ZFYVE9: variants seen among roughly 807,000 people sequenced by gnomAD.
ZFYVE9 encodes zinc finger FYVE domain-containing protein 9.
ZFYVE9 carries 43 observed loss-of-function variants against 126.7 expected under a neutral mutation model. The ratio of observed to expected loss-of-function variants is 0.34; its 90% CI spans 0.27 to 0.44. The LOEUF (loss-of-function observed/expected upper bound fraction) is 0.44, where lower values mean the gene tolerates loss of function less well. Among genes scored for constraint, ZFYVE9 ranks in the 20% least tolerant of loss-of-function variants. The probability of loss-of-function intolerance (pLI) is 1.00; values close to 1 mark genes in which losing one functional copy is unlikely to be tolerated. For missense variants in ZFYVE9, 1,476 were observed against 1,697.0 expected (o/e 0.87, Z 2.29); for synonymous variants, 521 against 597.4 (o/e 0.87, Z 1.87).
At chr1:52,313,159 A>G (rs1198900631) in intron 13 of ZFYVE9, among the ~76,000 whole-genome samples, 2 of 152,208 alleles carry the variant, frequency 1.3e-5, no homozygotes, top group Non-Finnish European at 2.9e-5. Context: ...TTGGACTTCT[A>G]GCCTCCAGAA....
chr1:52,281,653 A>C lies in ZFYVE9; in HGVS notation c.2870-8A>C, dbSNP rs142821894. 3.7e-6 allele frequency: 6 copies of C among 1,612,238 alleles called. No individual in the cohort carries two copies. In the East Asian group the frequency reaches 8.9e-5, roughly 24 times the overall value. The stretch of plus-strand genomic sequence containing the variant: ...GTCTTTATTTTTGTGTTTTTATTCC[A>C]TCTGTAGATGTGAACAGGAAGTGCT... On this transcript the variant is annotated splice_polypyrimidine_tract_variant and splice_region_variant and intron_variant, in intron 9 of 18. Transcript: ENST00000287727.
At chr1:52,172,752 T>A (rs1644585684) in intron 1 of ZFYVE9, among the ~76,000 whole-genome samples, 1 of 151,364 alleles carries the variant, frequency 6.6e-6, no homozygotes, top group Non-Finnish European at 1.5e-5. Flanking sequence ...TATTTTATTC[T>A]CTTTGAAGCA....
At chr1:52,199,032 C>T (rs919324992) in intron 1 of ZFYVE9, among the ~76,000 whole-genome samples, 4 of 151,290 alleles carry the variant, frequency 2.6e-5, no homozygotes, top group South Asian at 2.1e-4. Context: ...TTTGCTCTGC[C>T]GATTCATTCC....
At chr1:52,324,000 A>G (rs1342143638) in intron 13 of ZFYVE9, among the ~76,000 whole-genome samples, 2 of 151,730 alleles carry the variant, frequency 1.3e-5, no homozygotes, top group Non-Finnish European at 2.9e-5. Context: ...CGGAGATTGC[A>G]GTGAACTGAG....
chr1:52,258,673 C>T (rs1456976114), intron 4 of ZFYVE9, among the ~76,000 whole-genome samples: 1 of 152,250 alleles, frequency 6.6e-6, no homozygotes, highest in East Asian at 1.9e-4. Flanking sequence ...AGATTCTGCC[C>T]ATCTCCTCTG....
chr1:52,193,306 A>G (rs1298196578), intron 1 of ZFYVE9, among the ~76,000 whole-genome samples: 1 of 151,896 alleles, frequency 6.6e-6, no homozygotes, highest in Non-Finnish European at 1.5e-5. Context: ...AAACATTTAA[A>G]TACCTGTTGA....
chr1:52,221,447 C>T (rs751995671), intron 2 of ZFYVE9, among the ~76,000 whole-genome samples: 8 of 152,188 alleles, frequency 5.3e-5, no homozygotes, highest in Non-Finnish European at 1.2e-4. Context: ...AGTGTTAGGT[C>T]ATCCCTCTCT....
At chr1:52,181,691 C>T (rs1388634372) in intron 1 of ZFYVE9, among the ~76,000 whole-genome samples, 2 of 151,026 alleles carry the variant, frequency 1.3e-5, no homozygotes, top group Non-Finnish European at 3.0e-5. Flanking sequence ...CGTCTCTGCC[C>T]GGCCGCCCAT....
intron 13 of ZFYVE9, 152 bp from the exon 14 acceptor site, chr1:52,332,616 A>T (rs920792458): frequency 9.8e-6 from 9 of 922,472 alleles, no homozygotes; most frequent in Non-Finnish European, 1.4e-5. Context: ...TAATGGTGAC[A>T]TTTTTTTACT....
At chr1:52,324,286 A>G (rs1474647144) in intron 13 of ZFYVE9, among the ~76,000 whole-genome samples, 1 of 148,342 alleles carries the variant, frequency 6.7e-6, no homozygotes, top group Non-Finnish European at 1.5e-5. Context: ...AACAAAAACA[A>G]AAACAAAACA....
At chr1:52,235,507 G>A (rs374691755) in intron 3 of ZFYVE9, among the ~76,000 whole-genome samples, 7 of 152,002 alleles carry the variant, frequency 4.6e-5, no homozygotes, top group African/African-American at 1.7e-4. Flanking sequence ...AAGGAATCCT[G>A]TGTTACTAAA....
intron 1 of ZFYVE9, among the ~76,000 whole-genome samples, chr1:52,200,505 G>A (rs1299432037): frequency 6.6e-6 from 1 of 152,128 alleles, no homozygotes; most frequent in Non-Finnish European, 1.5e-5. Flanking sequence ...TTTAATTTTA[G>A]TGAAGGTGCA....
intron 1 of ZFYVE9, among the ~76,000 whole-genome samples, chr1:52,193,888 A>G (rs923913806): frequency 3.9e-5 from 6 of 152,030 alleles, no homozygotes; most frequent in East Asian, 1.9e-4. Flanking sequence ...AATAGGGGAA[A>G]ATGTAAATGC....
chr1:52,188,969 G>A (rs186724725), intron 1 of ZFYVE9, among the ~76,000 whole-genome samples: 125 of 152,012 alleles, frequency 8.2e-4, no homozygotes, highest in African/African-American at 2.9e-3. Flanking sequence ...ATGGAGTCTT[G>A]CTTTGTTGCC....
intron 13 of ZFYVE9, 50 bp downstream of exon 13, chr1:52,303,975 A>G: frequency 1.5e-6 from 2 of 1,318,086 alleles, no homozygotes; most frequent in Non-Finnish European, 2.1e-6. Context: ...ACATGAGTGA[A>G]GGTGAAAAAT....
At chr1:52,311,998 C>T (rs916398874) in intron 13 of ZFYVE9, among the ~76,000 whole-genome samples, 2 of 151,982 alleles carry the variant, frequency 1.3e-5, no homozygotes, top group African/African-American at 2.4e-5. Flanking sequence ...GCTGTGTTGG[C>T]CAGGCTGGTC....
rs533532630 is a variant in ZFYVE9 at position 52,304,952 on chromosome 1, A to C, written c.3438+1027A>C. Among the ~76,000 whole-genome samples the C allele has an allele frequency of 6.4e-4, 98 of 152,288 alleles. 1 individual carries two copies. Among genetic ancestry groups the C allele is most frequent in the Non-Finnish European group, 9.7e-4 (66 of 68,012 alleles). On this transcript the variant is annotated intron_variant, in intron 13 of 18. Transcript: ENST00000287727. ...TAGAGTCAAATCTTTAAAGTGAACTATTTGTAGTTCACAGATCTTGCTCTG... is the reference window on the plus strand; with the variant it reads ...TAGAGTCAAATCTTTAAAGTGAACTCTTTGTAGTTCACAGATCTTGCTCTG...
intron 1 of ZFYVE9, among the ~76,000 whole-genome samples, chr1:52,157,949 C>A (rs1417897812): frequency 2.0e-5 from 3 of 152,196 alleles, no homozygotes. Context: ...CTTCTCTCCT[C>A]ACATGGTATA....
chr1:52,242,842 A>G (rs1344648098), intron 4 of ZFYVE9, among the ~76,000 whole-genome samples: 2 of 152,196 alleles, frequency 1.3e-5, no homozygotes, highest in Non-Finnish European at 2.9e-5. Context: ...GCCATCTGGC[A>G]TGAAAAAAAC....
Sources: allele counts gnomAD v4.1 joint callset (sites outside exome capture counted in the v4.1 genomes callset), GRCh38; gene constraint gnomAD v4.1.1; transcripts MANE v1.5; gene names NCBI Gene and HGNC (gene_info 2026-07-23, HGNC 2026-07-21).